EYA1: variants seen among roughly 807,000 people sequenced by gnomAD.
The protein encoded by EYA1 is EYA transcriptional coactivator and phosphatase 1.
A neutral mutation model predicts 82.0 loss-of-function variants in EYA1; 16 were observed. That is an observed-to-expected ratio of 0.20 (90% CI 0.13 to 0.30). The LOEUF (loss-of-function observed/expected upper bound fraction) is 0.30. Ranked by LOEUF, EYA1 falls within the 10% of genes least tolerant of loss-of-function variation. The pLI is 1.00. For synonymous variants in EYA1, 261 were observed against 264.4 expected (o/e 0.99, Z 0.12); for missense variants, 633 against 730.7 (o/e 0.87, Z 1.54).
At chr8:71,428,377 T>G (rs1273908677) in intron 2 of EYA1, among the ~76,000 whole-genome samples, 1 of 152,230 alleles carries the variant, frequency 6.6e-6, no homozygotes, top group Non-Finnish European at 1.5e-5. Context: ...ATAAGATTTA[T>G]GCAACTATTA....
chr8:71,314,394 A>T lies in EYA1; in HGVS notation c.556+3158T>A, dbSNP rs950152338. 2.0e-5 allele frequency among the ~76,000 whole-genome samples: 3 copies of T among 152,154 alleles called. 1 individual carries two copies. The highest frequency in any genetic ancestry group is 1.9e-4 in the East Asian group (1 of 5,188). ...AGCAAATTATATAGCATTATCCATC[A>T]TCATTTTGGCAAGTTAATTTTCAAA... On this transcript the variant is annotated intron_variant, in intron 7 of 17. Transcript: ENST00000340726.
intron 9 of EYA1, among the ~76,000 whole-genome samples, chr8:71,287,625 T>C (rs59473241): frequency 6.6e-6 from 1 of 152,302 alleles, no homozygotes; most frequent in East Asian, 1.9e-4. Context: ...TCATTCTACA[T>C]GAAAGAAACT....
chr8:71,315,135 T>C lies in EYA1; in HGVS notation c.556+2417A>G, dbSNP rs150364599. On this transcript the variant is annotated intron_variant, in intron 7 of 17. Coordinates refer to ENST00000340726, the MANE Select transcript of EYA1 (RefSeq NM_000503.6). Reference sequence around the variant, plus strand: ...CTATCTGAGGTCCAGGATTGGTTTTTTCCTCCAATCCTTCACAGACTGACA... The same window carrying C: ...CTATCTGAGGTCCAGGATTGGTTTTCTCCTCCAATCCTTCACAGACTGACA... Among the ~76,000 whole-genome samples the C allele has an allele frequency of 2.0e-5, 3 of 152,282 alleles. No individual in the cohort carries two copies. In the East Asian group the frequency reaches 5.8e-4, roughly 29 times the overall value.
At chr8:71,523,027 A>G (rs535539513) in intron 2 of EYA1, among the ~76,000 whole-genome samples, 2 of 152,294 alleles carry the variant, frequency 1.3e-5, no homozygotes, top group African/African-American at 4.8e-5. Flanking sequence ...ATAGGATTAT[A>G]AAATTGTTTT....
chr8:71,376,020 A>T, intron 2 of EYA1, among the ~76,000 whole-genome samples: 1 of 152,202 alleles, frequency 6.6e-6, no homozygotes, highest in Non-Finnish European at 1.5e-5. Flanking sequence ...GCTCCTATGT[A>T]TGGTGCATGT....
chr8:71,345,169 C>A (rs190912923), intron 3 of EYA1, among the ~76,000 whole-genome samples: 1 of 152,200 alleles, frequency 6.6e-6, no homozygotes, highest in East Asian at 1.9e-4. Context: ...TAGTAGATAC[C>A]AGTAAGTGCA....
intron 2 of EYA1, among the ~76,000 whole-genome samples, chr8:71,388,406 AAGGAGCACAC>A (rs1563560213): frequency 2.0e-5 from 3 of 152,216 alleles, no homozygotes; most frequent in Non-Finnish European, 2.9e-5. Context: ...AAAGAAAGCC[AAGGAGCACAC>A]AGTGCTCCTA....
Position 71,356,480 on chromosome 8 carries a change from G to A in EYA1, c.-23C>T. On this transcript the variant is annotated 5_prime_UTR_variant, in exon 2 of 18. Transcript: ENST00000340726. ...TCCTTACCTGCAACTTGAGGAAACA[G>A]CAACATCTGAACTGGCTTGAGATGT... 1 of 1,585,080 alleles carries A rather than the reference G, an allele frequency of 6.3e-7. No individual in the cohort carries two copies. Among genetic ancestry groups the A allele is most frequent in the Non-Finnish European group, 8.6e-7 (1 of 1,164,626 alleles).
intron 17 of EYA1, among the ~76,000 whole-genome samples, chr8:71,201,787 A>C (rs1450268507): frequency 6.6e-6 from 1 of 152,206 alleles, no homozygotes; most frequent in African/African-American, 2.4e-5. Flanking sequence ...AAAAGTTTTC[A>C]AGTATTCAAC....
At chr8:71,203,440 GAA>G (rs960045617) in intron 17 of EYA1, among the ~76,000 whole-genome samples, 15 of 152,194 alleles carry the variant, frequency 9.9e-5, no homozygotes, top group African/African-American at 2.9e-4. Flanking sequence ...AATTCAGAGA[GAA>G]GAGAGCTCAG....
intron 17 of EYA1, among the ~76,000 whole-genome samples, chr8:71,201,264 G>C (rs1022861574): frequency 6.6e-6 from 1 of 151,220 alleles, no homozygotes; most frequent in East Asian, 1.9e-4. Context: ...CTGAGGCTTA[G>C]TGATGAAACA....
At chr8:71,533,624 G>C (rs1405761824) in intron 2 of EYA1, among the ~76,000 whole-genome samples, 1 of 152,068 alleles carries the variant, frequency 6.6e-6, no homozygotes, top group Non-Finnish European at 1.5e-5. Context: ...AATGTTTTTA[G>C]CTATGTTCTA....
chr8:71,384,856 G>A (rs1828890995), intron 2 of EYA1, among the ~76,000 whole-genome samples: 1 of 152,074 alleles, frequency 6.6e-6, no homozygotes, highest in Non-Finnish European at 1.5e-5. Flanking sequence ...AAGGGATATA[G>A]ATTGTCGTGC....
At chr8:71,540,385 C>T (rs898531771) in intron 1 of EYA1, among the ~76,000 whole-genome samples, 2 of 152,070 alleles carry the variant, frequency 1.3e-5, no homozygotes, top group Non-Finnish European at 2.9e-5. Flanking sequence ...ACAGGTAAAC[C>T]TTATCTTATT....
chr8:71,390,139 C>G (rs745736953), intron 2 of EYA1, among the ~76,000 whole-genome samples: 2 of 151,934 alleles, frequency 1.3e-5, no homozygotes, highest in African/African-American at 2.4e-5. Context: ...ATTCCTTTAA[C>G]GACAAAAATA....
chr8:71,436,608 T>C (rs1429889670), intron 2 of EYA1, among the ~76,000 whole-genome samples: 2 of 152,176 alleles, frequency 1.3e-5, no homozygotes, highest in African/African-American at 4.8e-5. Flanking sequence ...TGTGCTGTAA[T>C]GCAATATAGG....
At chr8:71,316,925 T>C (rs536166308) in intron 7 of EYA1, among the ~76,000 whole-genome samples, 1 of 152,366 alleles carries the variant, frequency 6.6e-6, no homozygotes, top group South Asian at 2.1e-4. Flanking sequence ...GCTTTGACAA[T>C]GACAGCTGTC....
chr8:71,371,337 A>G (rs1297804954), intron 2 of EYA1, among the ~76,000 whole-genome samples: 1 of 152,110 alleles, frequency 6.6e-6, no homozygotes, highest in Non-Finnish European at 1.5e-5. Context: ...TTCCTCCATA[A>G]CTTTTCCTCA....
intron 14 of EYA1, among the ~76,000 whole-genome samples, chr8:71,215,990 T>C (rs1163101993): frequency 6.6e-6 from 1 of 152,122 alleles, no homozygotes; most frequent in Admixed American, 6.5e-5. Context: ...GCTCCCAGGG[T>C]AGGTGTGCAG....
Sources: allele counts gnomAD v4.1 joint callset (sites outside exome capture counted in the v4.1 genomes callset), GRCh38; gene constraint gnomAD v4.1.1; transcripts MANE v1.5; gene names NCBI Gene and HGNC (gene_info 2026-07-23, HGNC 2026-07-21).